Variants in EPB41L5 observed in about 807,000 individuals in gnomAD.
The protein encoded by EPB41L5 is erythrocyte membrane protein band 4.1 like 5.
Under a neutral mutation model 106.6 loss-of-function variants are expected in EPB41L5, and 55 were observed. The observed-to-expected ratio is 0.52, with a 90% confidence interval of 0.42 to 0.65. The LOEUF is 0.65. Ranked by LOEUF, EPB41L5 falls within the 30% of genes least tolerant of loss-of-function variation. The pLI is 0.00. For missense variants in EPB41L5, 871 were observed against 882.1 expected, an observed-to-expected ratio of 0.99 and a Z score of 0.16; for synonymous variants, 297 against 306.7, an observed-to-expected ratio of 0.97 and a Z score of 0.33.
At chr2:120,095,599 A>G (rs970275414) in intron 14 of EPB41L5, among the ~76,000 whole-genome samples, 1 of 150,888 alleles carries the variant, frequency 6.6e-6, no homozygotes, top group South Asian at 2.1e-4. Flanking sequence ...TGGCGAGAGT[A>G]TCTACTTTTG....
intron 3 of EPB41L5, among the ~76,000 whole-genome samples, 189 bp from the exon 4 acceptor site, chr2:120,072,989 C>G (rs1202397293): frequency 6.6e-6 from 1 of 151,542 alleles, no homozygotes; most frequent in Non-Finnish European, 1.5e-5. Flanking sequence ...GTGTCATAAG[C>G]TTGCTATGGT....
At chr2:120,051,550 C>CT (rs1050612834) in intron 3 of EPB41L5, among the ~76,000 whole-genome samples, 1 of 152,180 alleles carries the variant, frequency 6.6e-6, no homozygotes, top group African/African-American at 2.4e-5. Context: ...CAGGTGCCGC[C>CT]TGTATTAGGT....
At chr2:120,041,106 C>T (rs1679375156) in intron 2 of EPB41L5, among the ~76,000 whole-genome samples, 1 of 152,064 alleles carries the variant, frequency 6.6e-6, no homozygotes, top group South Asian at 2.1e-4. Flanking sequence ...ATTAATATAG[C>T]AACAACATAC....
At position 120,019,115 on chromosome 2, in the gene EPB41L5, C is replaced by T. The variant is rs754526964; in HGVS notation, c.31C>T (p.Arg11Cys). 9.3e-6 allele frequency: 15 copies of T among 1,611,814 alleles called. No homozygotes were observed. The highest frequency in any genetic ancestry group is 8.5e-6 in the Non-Finnish European group (10 of 1,179,432). The change falls in exon 2 of 25, where the codon CGT (arginine) becomes TGT (cysteine). Residue 11 changes from arginine to cysteine, a missense_variant. Coordinates refer to ENST00000263713, the MANE Select transcript of EPB41L5 (RefSeq NM_020909.4). MLSFFRRTLG[R>C]RSMRKHAEKE... ...GAGTTTCTTCCGTAGAACACTAGGGCGTCGGTCTATGCGTAAACATGCAGA... is the reference window on the plus strand; with the variant it reads ...GAGTTTCTTCCGTAGAACACTAGGGTGTCGGTCTATGCGTAAACATGCAGA...
intron 21 of EPB41L5, among the ~76,000 whole-genome samples, chr2:120,163,418 G>T (rs1420816503): frequency 6.6e-6 from 1 of 151,950 alleles, no homozygotes. Context: ...AGAGAATTGT[G>T]TCCTTTATAA....
chr2:120,020,125 G>A (rs778245096), intron 2 of EPB41L5, among the ~76,000 whole-genome samples: 1 of 152,012 alleles, frequency 6.6e-6, no homozygotes, highest in Non-Finnish European at 1.5e-5. Flanking sequence ...AAGACTTAAC[G>A]GTAAATTACA....
chr2:120,093,208 A>G, intron 13 of EPB41L5, 41 bp from the exon 14 acceptor site: 5 of 1,560,104 alleles, frequency 3.2e-6, no homozygotes, highest in African/African-American at 1.4e-5. Flanking sequence ...TTTATCATGT[A>G]AGATGAAACT....
At chr2:120,106,229 G>A (rs1446121264) in intron 16 of EPB41L5, 2 of 985,242 alleles carry the variant, frequency 2.0e-6, no homozygotes, top group Non-Finnish European at 2.4e-6. Context: ...GATTGGAGGG[G>A]TGTTAGGGAT....
intron 24 of EPB41L5, among the ~76,000 whole-genome samples, chr2:120,169,083 C>G (rs1687548633): frequency 6.6e-6 from 1 of 152,076 alleles, no homozygotes; most frequent in Admixed American, 6.5e-5. Flanking sequence ...GAGCTTATCT[C>G]TTTCTTCCTA....
chr2:120,093,019 T>A (rs1483856199), intron 13 of EPB41L5, among the ~76,000 whole-genome samples: 1 of 152,142 alleles, frequency 6.6e-6, no homozygotes, highest in Non-Finnish European at 1.5e-5. Context: ...GGTGGGAGGA[T>A]TGCTTGAGCC....
Position 120,022,235 on chromosome 2 carries a change from C to G in EPB41L5, c.180+2971C>G, listed in dbSNP as rs892077665. Among the ~76,000 whole-genome samples the G allele has an allele frequency of 2.0e-5, 3 of 151,962 alleles. No individual in the cohort carries two copies. In the South Asian group the frequency reaches 6.2e-4, roughly 31 times the overall value. ...TTCTGGGATACATGTGCAGAACGTG[C>G]AGGTTTATTACATAGGTATACACGT... is the stretch of plus-strand genomic sequence containing the variant. On this transcript the variant is annotated intron_variant, in intron 2 of 24. Transcript: ENST00000263713.
chr2:120,075,043 G>T (rs1315737882), intron 5 of EPB41L5, among the ~76,000 whole-genome samples: 1 of 152,150 alleles, frequency 6.6e-6, no homozygotes, highest in East Asian at 1.9e-4. Flanking sequence ...GGCCAGGCTG[G>T]TCTTGAACTC....
At chr2:120,173,206 G>A (rs534713922) in intron 24 of EPB41L5, among the ~76,000 whole-genome samples, 1 of 152,338 alleles carries the variant, frequency 6.6e-6, no homozygotes, top group African/African-American at 2.4e-5. Flanking sequence ...AACAAACACT[G>A]AATTTTAACA....
At chr2:120,104,850 T>C in intron 16 of EPB41L5, 1 of 970,170 alleles carries the variant, frequency 1.0e-6, no homozygotes, top group Non-Finnish European at 1.2e-6. Flanking sequence ...ATTAATAATG[T>C]GGCTCATGTA....
chr2:120,107,678 A>G lies in EPB41L5; in HGVS notation c.1337+6864A>G, dbSNP rs1442927646. On this transcript the variant is annotated intron_variant, in intron 16 of 24. Coordinates refer to ENST00000263713, the MANE Select transcript of EPB41L5 (RefSeq NM_020909.4). ...TATGAATCGTGGATTTAGATATGGT[A>G]GTCTTCCTCTAACCCCCTTTTGCAG... 3.3e-5 allele frequency among the ~76,000 whole-genome samples: 5 copies of G among 152,302 alleles called. No individual in the cohort carries two copies. In the East Asian group the frequency reaches 9.6e-4, roughly 29 times the overall value.
intron 3 of EPB41L5, among the ~76,000 whole-genome samples, chr2:120,055,785 ATT>A (rs1464370684): frequency 6.6e-6 from 1 of 151,960 alleles, no homozygotes; most frequent in Non-Finnish European, 1.5e-5. Context: ...ACTGCAACTG[ATT>A]TTTGTGTATT....
At chr2:120,045,403 T>C (rs917516660) in intron 3 of EPB41L5, among the ~76,000 whole-genome samples, 3 of 152,226 alleles carry the variant, frequency 2.0e-5, no homozygotes, top group Admixed American at 6.6e-5. Context: ...GTTGCAAGGA[T>C]GGTATAAATA....
intron 20 of EPB41L5, 150 bp from the exon 21 acceptor site, chr2:120,160,731 G>T: frequency 1.7e-6 from 1 of 603,652 alleles, no homozygotes; most frequent in Non-Finnish European, 3.0e-6. Flanking sequence ...TCATAGTTTG[G>T]ATTTACATTT....
At chr2:120,137,127 G>T (rs148719073) in intron 18 of EPB41L5, among the ~76,000 whole-genome samples, 1 of 151,940 alleles carries the variant, frequency 6.6e-6, no homozygotes, top group African/African-American at 2.4e-5. Flanking sequence ...ATGACCAGTG[G>T]GTCAATGAAG....
Sources: allele counts gnomAD v4.1 joint callset (sites outside exome capture counted in the v4.1 genomes callset), GRCh38; gene constraint gnomAD v4.1.1; transcripts MANE v1.5; gene names NCBI Gene and HGNC (gene_info 2026-07-23, HGNC 2026-07-21).